Variants in MED23 observed in about 807,000 individuals in gnomAD.
MED23 encodes the protein mediator complex subunit 23.
In MED23, 105 loss-of-function variants were observed where a neutral mutation model predicts 163.9. That is an observed-to-expected ratio of 0.64 (90% CI 0.55 to 0.75). The LOEUF is 0.75. Among genes scored for constraint, MED23 ranks in the 30% least tolerant of loss-of-function variants. MED23 has a pLI of 0.00. For missense variants in MED23, 1,054 were observed against 1,649.0 expected (o/e 0.64, Z 6.25); for synonymous variants, 561 against 565.6 (o/e 0.99, Z 0.12).
chr6:131,575,307 T>G (rs1214405388), intron 30 of MED23, among the ~76,000 whole-genome samples: 1 of 152,050 alleles, frequency 6.6e-6, no homozygotes, highest in Non-Finnish European at 1.5e-5. Context: ...GTGCCCCACA[T>G]GTAAAGCAAG....
intron 12 of MED23, among the ~76,000 whole-genome samples, chr6:131,607,261 C>T (rs909924811): frequency 1.3e-5 from 2 of 151,000 alleles, no homozygotes; most frequent in African/African-American, 4.9e-5. Context: ...TACAGTAACC[C>T]CATCATGTTA....
Position 131,606,517 on chromosome 6 carries a change from T to A in MED23, c.1329A>T (p.Leu443=), listed in dbSNP as rs749242931. The A allele has an allele frequency of 1.2e-6, 2 of 1,613,650 alleles. No homozygotes were observed. The highest frequency in any genetic ancestry group is 2.7e-5 in the African/African-American group (2 of 75,026). Residue 443 remains leucine, a synonymous_variant, in exon 13 of 29, where the codon CTA becomes CTT. Coordinates refer to ENST00000368068, the MANE Select transcript of MED23 (RefSeq NM_004830.4). ...NRKAQNDNSK[L]QIPIPHSLRL... is the part of the protein sequence containing the mutation. ...TTAGGGAATGAGGTATTGGAATCTG[T>A]AGCTTGGAGTTGTCATTTTGAGCTT...
chr6:131,622,405 G>C (rs571944409), intron 5 of MED23, among the ~76,000 whole-genome samples: 1 of 152,274 alleles, frequency 6.6e-6, no homozygotes, highest in Admixed American at 6.5e-5. Context: ...ATAGGTGTAA[G>C]CCACTGTGAC....
intron 17 of MED23, among the ~76,000 whole-genome samples, chr6:131,601,279 C>G (rs1217380885): frequency 2.0e-5 from 3 of 152,084 alleles, no homozygotes; most frequent in Admixed American, 6.5e-5. Flanking sequence ...TTAGATTTTT[C>G]TAATAAACTT....
In MED23 at chr6:131,603,086, A is replaced by G; in HGVS notation, c.1875T>C (p.Ser625=). 6.2e-7 allele frequency: 1 copy of G among 1,613,966 alleles called. No individual in the cohort carries two copies. ...CAACTGCAGCCAAAGTATGAAGATG[A>G]CTCAGGAGCTGAACTCTGTAATGAG... ...IQPHYRVQLL[S]HLHTLAAVAQ... The change falls in exon 16 of 29, where the codon AGT becomes AGC. Residue 625 remains serine (S), a synonymous_variant. Transcript: ENST00000368068.
downstream of MED23, chr6:131,582,985 A>G (rs1240265980): frequency 4.9e-6 from 5 of 1,028,064 alleles, no homozygotes; most frequent in Non-Finnish European, 7.3e-6. Flanking sequence ...TACTATATTT[A>G]TATTTCCCTT....
intron 7 of MED23, 111 bp from the exon 8 acceptor site, chr6:131,620,007 T>C (rs966256090): frequency 8.7e-5 from 65 of 743,244 alleles, no homozygotes; most frequent in Non-Finnish European, 2.4e-5. Context: ...TATGTAAAGA[T>C]TGCACATGAT....
At chr6:131,617,739 G>A (rs1314362480) in intron 9 of MED23, among the ~76,000 whole-genome samples, 1 of 152,074 alleles carries the variant, frequency 6.6e-6, no homozygotes, top group African/African-American at 2.4e-5. Context: ...AGAGCAACTA[G>A]GCCCAAAAAA....
downstream of MED23, chr6:131,583,138 AG>A: frequency 4.3e-6 from 7 of 1,613,946 alleles, no homozygotes; most frequent in Non-Finnish European, 5.9e-6. Context: ...AGGTGATGGA[AG>A]AAACACTCAG....
intron 3 of MED23, among the ~76,000 whole-genome samples, chr6:131,626,695 T>C (rs1777527113): frequency 6.6e-6 from 1 of 152,206 alleles, no homozygotes; most frequent in Admixed American, 6.5e-5. Flanking sequence ...ATAAATGTAT[T>C]ACCTATTAGA....
intron 10 of MED23, among the ~76,000 whole-genome samples, chr6:131,614,269 G>T (rs1329405948): frequency 2.0e-5 from 3 of 152,162 alleles, no homozygotes; most frequent in Non-Finnish European, 4.4e-5. Flanking sequence ...ACTGCTATTA[G>T]GGTGAGGTTT....
At chr6:131,625,753 T>C (rs1777439534) in intron 3 of MED23, among the ~76,000 whole-genome samples, 2 of 152,142 alleles carry the variant, frequency 1.3e-5, no homozygotes, top group Non-Finnish European at 2.9e-5. Flanking sequence ...AATAAAATTA[T>C]ACTGAGATAA....
At position 131,587,755 on chromosome 6, in the gene MED23, G is replaced by A. The variant is rs980919278; in HGVS notation, c.4031C>T (p.Pro1344Leu). The A allele has an allele frequency of 1.5e-5, 25 of 1,614,022 alleles. No individual in the cohort carries two copies. The highest frequency in any genetic ancestry group is 1.9e-5 in the Non-Finnish European group (23 of 1,180,016). The change falls in exon 29 of 29, where the codon CCT becomes CTT. Residue 1344 changes from proline (P) to leucine (L), a missense_variant. Pro to Leu is a moderately conservative substitution (Grantham distance 98). Coordinates refer to ENST00000368068, the MANE Select transcript of MED23 (RefSeq NM_004830.4). ...HISKMEPAAVPPQAMNSGSPA... is the reference protein window; with the variant it reads ...HISKMEPAAVLPQAMNSGSPA... ...AGACCCACTGTTCATGGCTTGTGGA[G>A]GCACTGCAGCTGGCTCCATCTTGCT...
At chr6:131,574,369 G>A (rs562985287) in intron 30 of MED23, 12 of 1,547,906 alleles carry the variant, frequency 7.8e-6, no homozygotes, top group Middle Eastern at 1.7e-4. Flanking sequence ...ATACTACTTT[G>A]CTTCCCCTGG....
At chr6:131,574,447 C>T (rs892411890) in intron 30 of MED23, 3 of 843,304 alleles carry the variant, frequency 3.6e-6, no homozygotes, top group Non-Finnish European at 6.1e-6. Flanking sequence ...CTTTTAAAAT[C>T]CACACTGTTC....
chr6:131,577,886 A>AGAGC lies in MED23; in HGVS notation c.4096-3595_4096-3592dup, dbSNP rs536524212. On this transcript the variant is annotated intron_variant, in intron 30 of 30. Transcript: ENST00000354577. Reference sequence around the variant, plus strand: ...GCCACTGCACCCCAACCTGGGCGACAGAGCGAGACTCCATCTCCAAAAAAA... The same window carrying AGAGC: ...GCCACTGCACCCCAACCTGGGCGACAGAGCGAGCGAGACTCCATCTCCAAAAAAA... 2.0e-3 allele frequency among the ~76,000 whole-genome samples: 299 copies of AGAGC among 150,860 alleles called. 1 individual carries two copies. The highest frequency in any genetic ancestry group is 3.5e-3 in the Non-Finnish European group (236 of 67,754).
rs955011709 is a variant in MED23 at position 131,587,257 on chromosome 6, T to C, written c.*422A>G. The C allele has an allele frequency of 1.6e-5, 17 of 1,034,000 alleles. No homozygotes were observed. The highest frequency in any genetic ancestry group is 1.9e-5 in the Non-Finnish European group (16 of 846,130). 64.1% of individuals were successfully genotyped at this position (1,034,000 alleles called of 1,614,324 possible). A position where few individuals can be genotyped will look rare whatever the true frequency, so the allele number is the denominator to read the frequency against. On this transcript the variant is annotated 3_prime_UTR_variant, in exon 29 of 29. Transcript: ENST00000368068. ...GAAAATCTACCAAGAGATTTATGTATAAAATATTTGTAATAACTGTTTTAC... is the reference window on the plus strand; with the variant it reads ...GAAAATCTACCAAGAGATTTATGTACAAAATATTTGTAATAACTGTTTTAC...
At chr6:131,619,479 C>G (rs1310217930) in intron 8 of MED23, among the ~76,000 whole-genome samples, 1 of 152,210 alleles carries the variant, frequency 6.6e-6, no homozygotes, top group Non-Finnish European at 1.5e-5. Context: ...CTGACACTTT[C>G]ACGTTCTGTA....
intron 10 of MED23, among the ~76,000 whole-genome samples, chr6:131,610,803 G>A (rs1019386777): frequency 5.9e-5 from 9 of 152,018 alleles, no homozygotes; most frequent in African/African-American, 1.2e-4. Context: ...TGTGGTATTC[G>A]TCCTGATACT....
Sources: allele counts gnomAD v4.1 joint callset (sites outside exome capture counted in the v4.1 genomes callset), GRCh38; gene constraint gnomAD v4.1.1; transcripts MANE v1.5; gene names NCBI Gene and HGNC (gene_info 2026-07-23, HGNC 2026-07-21).